Variants in TRIO observed in about 807,000 individuals in gnomAD.
TRIO encodes trio Rho guanine nucleotide exchange factor, also known as triple functional domain protein.
TRIO carries 58 observed loss-of-function variants against 351.9 expected under a neutral mutation model. The observed-to-expected ratio is 0.16, with a 90% CI of 0.13 to 0.21. The LOEUF (loss-of-function observed/expected upper bound fraction) is 0.21. Ranked by LOEUF, TRIO falls within the 10% of genes least tolerant of loss-of-function variation. The probability of loss-of-function intolerance (pLI) is 1.00; values close to 1 mark genes in which losing one functional copy is unlikely to be tolerated. For synonymous variants in TRIO, 1,758 were observed against 1,595.7 expected, an observed-to-expected ratio of 1.10 and a Z score of -2.42; for missense variants, 3,201 against 4,027.8, an observed-to-expected ratio of 0.79 and a Z score of 5.56.
At chr5:14,282,745 T>C (rs548613814) in intron 3 of TRIO, among the ~76,000 whole-genome samples, 4 of 152,178 alleles carry the variant, frequency 2.6e-5, no homozygotes, top group Non-Finnish European at 1.5e-5. Context: ...TCACATCATG[T>C]CATTCAAAAA....
At chr5:14,385,568 C>T (rs1033953130) in intron 21 of TRIO, among the ~76,000 whole-genome samples, 3 of 152,154 alleles carry the variant, frequency 2.0e-5, no homozygotes, top group Admixed American at 6.5e-5. Context: ...TATACATTTG[C>T]GCACTTGCTT....
At chr5:14,330,994 A>G in intron 10 of TRIO, 94 bp downstream of exon 10, 1 of 1,560,430 alleles carries the variant, frequency 6.4e-7, no homozygotes, top group South Asian at 1.2e-5. Flanking sequence ...AGTTAGCATT[A>G]GCTCGATGTG....
intron 34 of TRIO, among the ~76,000 whole-genome samples, chr5:14,430,684 GTTTTATTTTA>G (rs375606260): frequency 2.0e-3 from 188 of 94,406 alleles, no homozygotes; most frequent in Middle Eastern, 5.1e-3. Flanking sequence ...AGTGAATTTC[GTTTTATTTTA>G]TTTTATTTTA....
At chr5:14,203,390 CA>C (rs1791256173) in intron 1 of TRIO, among the ~76,000 whole-genome samples, 1 of 152,190 alleles carries the variant, frequency 6.6e-6, no homozygotes, top group East Asian at 1.9e-4. Context: ...GCAAGGACTA[CA>C]AAAGCCTTAC....
In TRIO at chr5:14,487,818, C is replaced by G; in HGVS notation, c.7190C>G (p.Ala2397Gly). 6.8e-7 allele frequency: 1 copy of G among 1,466,832 alleles called. No homozygotes were observed. The highest frequency in any genetic ancestry group is 9.0e-7 in the Non-Finnish European group (1 of 1,108,492). 90.9% of individuals were successfully genotyped at this position (1,466,832 alleles called of 1,614,324 possible). Residue 2397 changes from alanine (A) to glycine (G), a missense_variant, in exon 48 of 57, where the codon GCG becomes GGG. By Grantham distance (60) the Ala-to-Gly change is moderately conservative. Transcript: ENST00000344204. ...GCGCCCAGCAGGCGGCCCCCCGGCG[C>G]GGACGCCGAGGGGTCCGAGCGAGAA... ...PSAPSRRPPGADAEGSEREAE... is the reference protein window; with the variant it reads ...PSAPSRRPPGGDAEGSEREAE...
chr5:14,171,810 A>G (rs1789113171), intron 1 of TRIO, among the ~76,000 whole-genome samples: 1 of 152,160 alleles, frequency 6.6e-6, no homozygotes, highest in Non-Finnish European at 1.5e-5. Flanking sequence ...GTTAGTAGAT[A>G]TGTGGACCTA....
intron 48 of TRIO, 154 bp downstream of exon 48, chr5:14,488,414 GC>G: frequency 1.7e-6 from 2 of 1,182,784 alleles, no homozygotes; most frequent in South Asian, 1.6e-5. Flanking sequence ...CCTCCTGCGG[GC>G]CGGCCCACGG....
intron 1 of TRIO, among the ~76,000 whole-genome samples, chr5:14,252,831 C>G (rs928928297): frequency 2.0e-5 from 3 of 152,188 alleles, no homozygotes; most frequent in Non-Finnish European, 2.9e-5. Flanking sequence ...AGGTGCCATT[C>G]ATTGAGGGAG....
At chr5:14,284,432 A>G (rs907441496) in intron 3 of TRIO, among the ~76,000 whole-genome samples, 2 of 152,130 alleles carry the variant, frequency 1.3e-5, no homozygotes, top group Admixed American at 1.3e-4. Context: ...ATAAAAATAG[A>G]TGGATTGAAA....
In TRIO at chr5:14,396,740, G is replaced by C. The variant is rs139873360; in HGVS notation, c.4312-303G>C. Among the ~76,000 whole-genome samples the C allele has an allele frequency of 0.011, 1,731 of 151,878 alleles. 26 individuals are homozygous for C. Among genetic ancestry groups the C allele is most frequent in the African/African-American group, 0.04 (1,643 of 41,402 alleles). ...CCACCTCAGCCTCCCGAAGTGCTGG[G>C]ATTACAGGCATGAGCCACCACACCC... On this transcript the variant is annotated intron_variant, in intron 28 of 56. Transcript: ENST00000344204.
intron 11 of TRIO, among the ~76,000 whole-genome samples, chr5:14,344,857 C>T (rs748046694): frequency 6.6e-6 from 1 of 152,192 alleles, no homozygotes; most frequent in African/African-American, 2.4e-5. Context: ...GCCCTCAGAG[C>T]AGAGTAGACT....
At chr5:14,434,775 G>A (rs1561487052) in intron 34 of TRIO, among the ~76,000 whole-genome samples, 1 of 152,148 alleles carries the variant, frequency 6.6e-6, no homozygotes, top group Non-Finnish European at 1.5e-5. Flanking sequence ...TGCCATTTCA[G>A]TGGCAAAAGG....
intron 1 of TRIO, among the ~76,000 whole-genome samples, chr5:14,220,514 A>G (rs1390187798): frequency 3.9e-5 from 6 of 152,268 alleles, no homozygotes; most frequent in African/African-American, 1.4e-4. Flanking sequence ...TGAAGAAGGC[A>G]TGTTGAAAGC....
intron 21 of TRIO, among the ~76,000 whole-genome samples, chr5:14,381,647 G>T (rs1746115906): frequency 6.6e-6 from 1 of 152,098 alleles, no homozygotes. Flanking sequence ...CTACACCTGG[G>T]GGTGTTTCAC....
At chr5:14,440,021 G>A (rs1022699343) in intron 34 of TRIO, among the ~76,000 whole-genome samples, 1 of 151,808 alleles carries the variant, frequency 6.6e-6, no homozygotes, top group Non-Finnish European at 1.5e-5. Flanking sequence ...GTGGAGGTGG[G>A]GACAAAACCA....
chr5:14,440,754 G>A (rs1434610980), intron 34 of TRIO: 1 of 152,072 alleles, frequency 6.6e-6, no homozygotes, highest in Non-Finnish European at 1.5e-5. Flanking sequence ...TGAGTCTCAG[G>A]GCGGACCTCC....
chr5:14,160,869 G>T (rs1277217302), intron 1 of TRIO, among the ~76,000 whole-genome samples: 1 of 152,140 alleles, frequency 6.6e-6, no homozygotes, highest in Non-Finnish European at 1.5e-5. Context: ...CATGGTCTAG[G>T]ATGGCACTTT....
intron 1 of TRIO, among the ~76,000 whole-genome samples, chr5:14,253,040 C>T (rs1371083953): frequency 1.3e-5 from 2 of 152,192 alleles, no homozygotes; most frequent in African/African-American, 4.8e-5. Context: ...TCTGTGTCAG[C>T]ACAGTTTTTA....
At chr5:14,363,333 C>T (rs1403229339) in intron 13 of TRIO, among the ~76,000 whole-genome samples, 1 of 152,158 alleles carries the variant, frequency 6.6e-6, no homozygotes, top group Non-Finnish European at 1.5e-5. Context: ...AGACCAAATA[C>T]TTTTTCTTTT....
Sources: allele counts gnomAD v4.1 joint callset (sites outside exome capture counted in the v4.1 genomes callset), GRCh38; gene constraint gnomAD v4.1.1; transcripts MANE v1.5; gene names NCBI Gene and HGNC (gene_info 2026-07-23, HGNC 2026-07-21).